Variants in TGM3 observed in about 807,000 individuals in gnomAD.
TGM3 encodes the protein protein-glutamine gamma-glutamyltransferase E.
TGM3 carries 52 observed loss-of-function variants against 73.8 expected under a neutral mutation model. The ratio of observed to expected loss-of-function variants is 0.70; its 90% CI spans 0.56 to 0.89. TGM3 has a LOEUF of 0.89. TGM3 is among the 40% of genes least tolerant of loss of function. The pLI is 0.00. For missense variants in TGM3, 928 were observed against 909.9 expected, an observed-to-expected ratio of 1.02 and a Z score of -0.26; for synonymous variants, 372 against 354.9, an observed-to-expected ratio of 1.05 and a Z score of -0.54.
chr20:2,299,364 G>A lies in TGM3; in HGVS notation c.7+3294G>A, dbSNP rs187231416. Among the ~76,000 whole-genome samples, 317 of 152,210 alleles carry A rather than the reference G, an allele frequency of 2.1e-3. 1 individual carries two copies. The highest frequency in any genetic ancestry group is 7.3e-3 in the African/African-American group (302 of 41,534). ...CTCAGCACAAGTCCTCCCCACTCCC[G>A]CTTCATCCATTCCCAAGTCCAAAGT... is the stretch of plus-strand genomic sequence containing the variant. On this transcript the variant is annotated intron_variant, in intron 1 of 12. Coordinates refer to ENST00000381458, the MANE Select transcript of TGM3 (RefSeq NM_003245.4).
chr20:2,340,416 C>T lies in TGM3; in HGVS notation c.1935-18C>T. 4.3e-6 allele frequency: 7 copies of T among 1,613,940 alleles called. No individual in the cohort carries two copies. Among genetic ancestry groups the T allele is most frequent in the Non-Finnish European group, 5.9e-6 (7 of 1,179,900 alleles). On this transcript the variant is annotated intron_variant, in intron 12 of 12. Transcript: ENST00000381458. Reference sequence around the variant, plus strand: ...CCGTGTGTCTCGTATCAACACTGATCTGTGCCCTCCCCATCAGCGTGCCGA... The same window carrying T: ...CCGTGTGTCTCGTATCAACACTGATTTGTGCCCTCCCCATCAGCGTGCCGA...
intron 3 of TGM3, 65 bp downstream of exon 3, chr20:2,310,482 G>A: frequency 6.3e-7 from 1 of 1,583,670 alleles, no homozygotes; most frequent in East Asian, 2.2e-5. Flanking sequence ...GGGGATGGGG[G>A]AAATGATCTT....
chr20:2,296,182 C>G, intron 1 of TGM3, 112 bp downstream of exon 1: 3 of 1,352,940 alleles, frequency 2.2e-6, no homozygotes, highest in Non-Finnish European at 2.1e-6. Context: ...CTTGGGGGCT[C>G]TGAAGGCCAG....
At chr20:2,304,481 G>A (rs913498258) in intron 1 of TGM3, among the ~76,000 whole-genome samples, 4 of 151,974 alleles carry the variant, frequency 2.6e-5, no homozygotes, top group African/African-American at 7.3e-5. Context: ...CCCCTCTGTC[G>A]GAATCCAAAT....
Position 2,310,364 on chromosome 20 carries a change from T to A in TGM3, c.368T>A (p.Ile123Asn). Residue 123 changes from isoleucine to asparagine, a missense_variant, in exon 3 of 13, where the codon ATC becomes AAC. Transcript: ENST00000381458. ...MALQIFSQGG[I>N]SSVKLGTFIL... Reference sequence around the variant, plus strand: ...CTCCAGATCTTCTCCCAGGGCGGCATCTCCTCTGTGAAACTTGGGACGTTC... The same window carrying A: ...CTCCAGATCTTCTCCCAGGGCGGCAACTCCTCTGTGAAACTTGGGACGTTC... 1 of 1,614,182 alleles carries A rather than the reference T, an allele frequency of 6.2e-7. No homozygotes were observed. Among genetic ancestry groups the A allele is most frequent in the Non-Finnish European group, 8.5e-7 (1 of 1,180,022 alleles).
intron 1 of TGM3, among the ~76,000 whole-genome samples, chr20:2,307,944 G>A (rs214801): frequency 0.71 from 107,556 of 152,004 alleles, 41,177 homozygotes; most frequent in East Asian, 0.93. Context: ...AGAGGGGGCC[G>A]GGTGCAGTGG....
At chr20:2,317,568 C>A in intron 7 of TGM3, 83 bp downstream of exon 7, 1 of 1,577,710 alleles carries the variant, frequency 6.3e-7, no homozygotes, top group South Asian at 1.1e-5. Context: ...GGACCCAGGT[C>A]CAAACAGGTG....
At chr20:2,327,081 G>A (rs2084292043) in intron 8 of TGM3, among the ~76,000 whole-genome samples, 1 of 152,146 alleles carries the variant, frequency 6.6e-6, no homozygotes, top group Non-Finnish European at 1.5e-5. Context: ...ATAAAATCTA[G>A]TTAGTGGGCT....
At chr20:2,323,000 A>G (rs2084269620) in intron 7 of TGM3, among the ~76,000 whole-genome samples, 1 of 152,242 alleles carries the variant, frequency 6.6e-6, no homozygotes, top group Admixed American at 6.5e-5. Flanking sequence ...CCAATGTTTT[A>G]TGTATAATTT....
At chr20:2,302,423 AC>A (rs143749330) in intron 1 of TGM3, among the ~76,000 whole-genome samples, 2,550 of 152,022 alleles carry the variant, frequency 0.017, 80 homozygotes, top group African/African-American at 0.058. Context: ...TTAACAGTGA[AC>A]CCCCCCAAAA....
intron 7 of TGM3, among the ~76,000 whole-genome samples, chr20:2,322,049 G>A (rs1021884391): frequency 3.3e-5 from 5 of 151,120 alleles, no homozygotes; most frequent in African/African-American, 1.2e-4. Flanking sequence ...TCCCTCCCTT[G>A]CTCCTCTCAC....
Position 2,335,247 on chromosome 20 carries a change from C to A in TGM3, c.1774C>A (p.Leu592Met). Residue 592 changes from leucine (L) to methionine (M), a missense_variant, in exon 11 of 13, where the codon CTG becomes ATG. Leu to Met is a conservative substitution (Grantham distance 15). Transcript: ENST00000381458. ...GGTGGTGGTGGAGCGGGACATCATC[C>A]TGGACAACCCCACCTTGACCCTGGA... ...SEVVVERDII[L>M]DNPTLTLEVL... is the part of the protein sequence containing the mutation. The A allele has an allele frequency of 6.2e-7, 1 of 1,614,142 alleles. No homozygotes were observed. Among genetic ancestry groups the A allele is most frequent in the Non-Finnish European group, 8.5e-7 (1 of 1,180,018 alleles).
At chr20:2,298,606 C>T (rs556965298) in intron 1 of TGM3, among the ~76,000 whole-genome samples, 1 of 152,206 alleles carries the variant, frequency 6.6e-6, no homozygotes, top group Non-Finnish European at 1.5e-5. Flanking sequence ...TCCTCCACCC[C>T]CAAAGGACCT....
At position 2,332,085 on chromosome 20, in the gene TGM3, G is replaced by A; in HGVS notation, c.1417G>A (p.Gly473Ser). The A allele has an allele frequency of 1.9e-6, 3 of 1,614,208 alleles. No homozygotes were observed. Among genetic ancestry groups the A allele is most frequent in the Non-Finnish European group, 2.5e-6 (3 of 1,180,040 alleles). The change falls in exon 10 of 13, where the codon GGT (glycine) becomes AGT (serine). Residue 473 changes from glycine to serine, a missense_variant. Gly to Ser is a moderately conservative substitution (Grantham distance 56). Transcript: ENST00000381458. This position sits in a 1 kb window ranked among gnomAD's most constrained non-coding sequence, Gnocchi z 4.4. ...NTPFAATSSM[G>S]LETEEQEPSI... is the part of the protein sequence containing the mutation. Reference sequence around the variant, plus strand: ...GCCATTTGCCGCGACGTCTTCAATGGGTTTGGAAACAGAGGAACAGGAGCC... The same window carrying A: ...GCCATTTGCCGCGACGTCTTCAATGAGTTTGGAAACAGAGGAACAGGAGCC...
intron 9 of TGM3, among the ~76,000 whole-genome samples, chr20:2,331,371 ACCCAT>A (rs1436955152): frequency 6.6e-6 from 1 of 151,960 alleles, no homozygotes; most frequent in African/African-American, 2.4e-5. Flanking sequence ...GAGTCAGAAA[ACCCAT>A]CTTTTTATCC....
At chr20:2,296,156 CA>C in intron 1 of TGM3, 86 bp downstream of exon 1, 3 of 1,503,570 alleles carry the variant, frequency 2.0e-6, no homozygotes, top group Non-Finnish European at 2.7e-6. Flanking sequence ...AGTGTCCGGC[CA>C]GGACAGCTGC....
intron 5 of TGM3, among the ~76,000 whole-genome samples, chr20:2,313,598 G>T (rs1205057758): frequency 6.6e-6 from 1 of 151,986 alleles, no homozygotes; most frequent in Non-Finnish European, 1.5e-5. Flanking sequence ...CATGGAAAAG[G>T]CCTGTGCCCC....
intron 7 of TGM3, among the ~76,000 whole-genome samples, chr20:2,317,866 A>G (rs527458003): frequency 1.3e-5 from 2 of 151,504 alleles, no homozygotes; most frequent in African/African-American, 2.4e-5. Context: ...CAAGTAATCC[A>G]TATGACTTAC....
intron 1 of TGM3, among the ~76,000 whole-genome samples, chr20:2,302,642 G>T (rs1226757718): frequency 7.1e-6 from 1 of 141,414 alleles, no homozygotes; most frequent in Non-Finnish European, 1.5e-5. Context: ...CCACACTCCA[G>T]ACAGCAGAAT....
Sources: allele counts gnomAD v4.1 joint callset (sites outside exome capture counted in the v4.1 genomes callset), GRCh38; gene constraint gnomAD v4.1.1; non-coding constraint Gnocchi (gnomAD v3.1); transcripts MANE v1.5; gene names NCBI Gene and HGNC (gene_info 2026-07-23, HGNC 2026-07-21).